Variants in TSHR observed in about 807,000 individuals in gnomAD.
TSHR encodes thyroid stimulating hormone receptor.
TSHR carries 51 observed loss-of-function variants against 64.1 expected under a neutral mutation model. The ratio of observed to expected loss-of-function variants is 0.80; its 90% CI spans 0.64 to 1.01. The LOEUF (loss-of-function observed/expected upper bound fraction) is 1.01. TSHR is among the 50% of genes least tolerant of loss of function. TSHR has a pLI of 0.00. For synonymous variants in TSHR, 361 were observed against 361.9 expected (o/e 1.00, Z 0.03); for missense variants, 877 against 942.8 (o/e 0.93, Z 0.91).
chr14:81,072,241 C>T (rs1193944299), intron 3 of TSHR, among the ~76,000 whole-genome samples: 2 of 152,130 alleles, frequency 1.3e-5, no homozygotes, highest in Non-Finnish European at 2.9e-5. Context: ...TTGATTAAAT[C>T]ATGGTAACTG....
At chr14:81,119,684 T>C (rs879466347) in intron 8 of TSHR, among the ~76,000 whole-genome samples, 1,961 of 121,144 alleles carry the variant, frequency 0.016, 9 homozygotes, top group Middle Eastern at 0.033. Flanking sequence ...ACTGGGTATA[T>C]ACCCAAAGGA....
At chr14:81,026,036 A>G (rs1884032658) in intron 1 of TSHR, among the ~76,000 whole-genome samples, 1 of 151,992 alleles carries the variant, frequency 6.6e-6, no homozygotes, top group African/African-American at 2.4e-5. Context: ...CCCACAAGAA[A>G]CCCCTCCAAT....
At chr14:80,977,674 C>T (rs975219484) in intron 1 of TSHR, among the ~76,000 whole-genome samples, 2 of 152,182 alleles carry the variant, frequency 1.3e-5, no homozygotes, top group Non-Finnish European at 2.9e-5. Context: ...TCTATGAGAT[C>T]ATATGGCCCA....
chr14:81,073,617 A>G (rs1358201167), intron 3 of TSHR, among the ~76,000 whole-genome samples: 3 of 152,196 alleles, frequency 2.0e-5, no homozygotes, highest in Non-Finnish European at 4.4e-5. Flanking sequence ...ATTAGAAAAT[A>G]ATTTTAACTA....
intron 1 of TSHR, among the ~76,000 whole-genome samples, chr14:81,019,446 AATC>A (rs1487923875): frequency 5.3e-5 from 8 of 151,218 alleles, no homozygotes; most frequent in African/African-American, 1.9e-4. Flanking sequence ...AGTGCAAGCA[AATC>A]ATCAATTCTT....
intron 1 of TSHR, chr14:80,992,404 A>AAAG (rs1888785168): frequency 6.6e-6 from 1 of 151,504 alleles, no homozygotes; most frequent in Non-Finnish European, 1.5e-5. Flanking sequence ...TCTCAAAAAA[A>AAAG]AAAAAAAAAA....
At chr14:80,994,663 A>G (rs978506603) in intron 1 of TSHR, 1 of 152,246 alleles carries the variant, frequency 6.6e-6, no homozygotes, top group Non-Finnish European at 1.5e-5. Context: ...GTGCTGAGAT[A>G]TCTGGCTAGC....
chr14:81,035,163 G>T (rs533317285), intron 1 of TSHR, among the ~76,000 whole-genome samples: 1 of 152,094 alleles, frequency 6.6e-6, no homozygotes, highest in South Asian at 2.1e-4. Flanking sequence ...GAGTTGAAGC[G>T]GCCCTGAAAA....
intron 8 of TSHR, among the ~76,000 whole-genome samples, chr14:81,134,235 A>G (rs1016171607): frequency 8.6e-5 from 13 of 152,042 alleles, no homozygotes; most frequent in Non-Finnish European, 1.8e-4. Context: ...TCCCGGGTTC[A>G]AGCGATTTTC....
intron 9 of TSHR, 143 bp downstream of exon 9, chr14:81,140,010 G>C (rs1187085878): frequency 1.7e-6 from 2 of 1,168,894 alleles, no homozygotes; most frequent in Non-Finnish European, 2.5e-6. Context: ...GGAAATCCAT[G>C]GGACACAGTG....
intron 1 of TSHR, chr14:80,982,698 G>A (rs1888235399): frequency 2.2e-6 from 2 of 917,714 alleles, no homozygotes; most frequent in South Asian, 5.7e-5. Flanking sequence ...TTAGATCCCA[G>A]GCATCTAAGG....
At chr14:81,051,321 T>G (rs559262021) in intron 1 of TSHR, 4 of 152,324 alleles carry the variant, frequency 2.6e-5, no homozygotes, top group African/African-American at 7.2e-5. Flanking sequence ...CTTCCTCCAC[T>G]GAAGTTTTTA....
chr14:80,988,220 C>T (rs34277709), intron 1 of TSHR, among the ~76,000 whole-genome samples: 15,944 of 152,166 alleles, frequency 0.1, 1,037 homozygotes, highest in South Asian at 0.22. Flanking sequence ...TAGAGAAATA[C>T]CTGAGACTGG....
At chr14:81,105,078 T>A in intron 7 of TSHR, 4 of 985,390 alleles carry the variant, frequency 4.1e-6, no homozygotes, top group Non-Finnish European at 4.8e-6. Context: ...TTGCAAGGGA[T>A]AGTTTTTATC....
intron 1 of TSHR, among the ~76,000 whole-genome samples, chr14:81,057,797 C>A (rs896467096): frequency 2.0e-5 from 3 of 152,198 alleles, no homozygotes; most frequent in African/African-American, 7.2e-5. Flanking sequence ...TGTTTCTGGA[C>A]CACACAGTCT....
At chr14:80,994,000 C>G (rs1280467410) in intron 1 of TSHR, 1 of 152,134 alleles carries the variant, frequency 6.6e-6, no homozygotes, top group East Asian at 1.9e-4. Flanking sequence ...TGCACATCCT[C>G]CATCTCTTCC....
At chr14:81,054,323 C>T (rs1020660901) in intron 1 of TSHR, among the ~76,000 whole-genome samples, 1 of 152,118 alleles carries the variant, frequency 6.6e-6, no homozygotes, top group Non-Finnish European at 1.5e-5. Context: ...CATTAAACCT[C>T]TTTTTCTTCC....
At chr14:81,108,271 T>G in intron 7 of TSHR, 104 bp from the exon 8 acceptor site, 2 of 976,796 alleles carry the variant, frequency 2.0e-6, no homozygotes, top group Non-Finnish European at 3.3e-6. Flanking sequence ...TTGAAATCAG[T>G]CAATACTATG....
chr14:81,061,177 C>T (rs1595026668), intron 1 of TSHR, among the ~76,000 whole-genome samples: 1 of 152,106 alleles, frequency 6.6e-6, no homozygotes, highest in South Asian at 2.1e-4. Flanking sequence ...AAGGTAGTAA[C>T]CATGCTACTA....
Sources: gnomAD v4.1 joint callset for allele counts (sites outside exome capture counted in the v4.1 genomes callset) on GRCh38, gnomAD v4.1.1 for gene constraint, MANE v1.5 for transcripts, NCBI Gene and HGNC (gene_info 2026-07-23, HGNC 2026-07-21) for gene names.